GINS1: variants seen among roughly 807,000 people sequenced by gnomAD.
GINS1 encodes the protein DNA replication complex GINS protein PSF1.
Under a neutral mutation model 34.9 loss-of-function variants are expected in GINS1, and 26 were observed. The observed-to-expected ratio is 0.74, with a 90% confidence interval of 0.55 to 1.03. The LOEUF (loss-of-function observed/expected upper bound fraction) is 1.03, where lower values mean the gene tolerates loss of function less well. Among genes scored for constraint, GINS1 ranks in the 50% least tolerant of loss-of-function variants. The pLI, the probability that GINS1 is intolerant of heterozygous loss-of-function variation, is 0.00. For synonymous variants in GINS1, 97 were observed against 84.4 expected, an observed-to-expected ratio of 1.15 and a Z score of -0.82; for missense variants, 235 against 237.9, an observed-to-expected ratio of 0.99 and a Z score of 0.08.
Position 25,407,714 on chromosome 20 carries a change from T to A in GINS1, c.-107T>A. 2 of 872,414 alleles carry A rather than the reference T, an allele frequency of 2.3e-6. No homozygotes were observed. Among genetic ancestry groups the A allele is most frequent in the South Asian group, 1.5e-5 (1 of 68,838 alleles). The allele number at this position is 872,414 out of a possible 1,614,324, so 54.0% of individuals were successfully genotyped here. A position where few individuals can be genotyped will look rare whatever the true frequency, so the allele number is the denominator to read the frequency against. Reference sequence around the variant, plus strand: ...CGGAGCGGAGGCCGAGGCGAGAGCCTGGCGCTGTAGGACTAGAACGAAAGG... The same window carrying A: ...CGGAGCGGAGGCCGAGGCGAGAGCCAGGCGCTGTAGGACTAGAACGAAAGG... On this transcript the variant is annotated 5_prime_UTR_variant, in exon 1 of 7. Coordinates refer to ENST00000262460, the MANE Select transcript of GINS1 (RefSeq NM_021067.5).
intron 2 of GINS1, among the ~76,000 whole-genome samples, chr20:25,415,554 G>A (rs535683310): frequency 4.5e-4 from 69 of 152,104 alleles, no homozygotes; most frequent in African/African-American, 1.5e-3. Flanking sequence ...GCGTGGTGGC[G>A]CATGCCTGTA....
intron 5 of GINS1, among the ~76,000 whole-genome samples, chr20:25,428,969 CTTTTTTTTTTTTTTTTTTT>C (rs77113924): frequency 3.5e-4 from 45 of 127,510 alleles, no homozygotes; most frequent in African/African-American, 1.0e-3. Flanking sequence ...ATTCCTCTCT[CTTTTTTTTTTTTTTTTTTT>C]TTTTTTTTTT....
chr20:25,410,976 AT>A (rs2090281149), intron 1 of GINS1: 1 of 152,096 alleles, frequency 6.6e-6, no homozygotes. Context: ...TAAAAAGTAC[AT>A]TTTTAAGAAA....
chr20:25,420,841 C>T, intron 4 of GINS1: 2 of 969,452 alleles, frequency 2.1e-6, no homozygotes, highest in Non-Finnish European at 2.5e-6. Context: ...GTCTCGTTCT[C>T]TTAGTAGTGA....
chr20:25,417,104 G>A lies in GINS1; in HGVS notation c.141G>A (p.Val47=), dbSNP rs778726663. ...TTTTCTTTTTAAATGCTCCTATCAG[G>A]AATGAAGCAAAGTCAGGTGGACGAA... is the stretch of plus-strand genomic sequence containing the variant. The part of the protein sequence containing the change: ...KALYEQNQSD[V]NEAKSGGRSD... Residue 47 remains valine (V), a splice_region_variant and synonymous_variant, in exon 3 of 7, where the codon GTG becomes GTA. Transcript: ENST00000262460. 2.0e-6 allele frequency: 3 copies of A among 1,477,050 alleles called. No individual in the cohort carries two copies. Among genetic ancestry groups the A allele is most frequent in the East Asian group, 4.5e-5 (2 of 44,064 alleles). The allele number at this position is 1,477,050 out of a possible 1,614,324, so 91.5% of individuals were successfully genotyped here.
At chr20:25,434,431 G>A (rs1353803418) in intron 5 of GINS1, among the ~76,000 whole-genome samples, 2 of 137,832 alleles carry the variant, frequency 1.5e-5, no homozygotes, top group Non-Finnish European at 3.1e-5. Flanking sequence ...AATTTCTAAC[G>A]AACAGTAATT....
At chr20:25,433,857 A>C (rs1208886730) in intron 5 of GINS1, among the ~76,000 whole-genome samples, 7 of 152,234 alleles carry the variant, frequency 4.6e-5, no homozygotes, top group African/African-American at 1.7e-4. Flanking sequence ...TAAACTAATA[A>C]ATCTTTTAAA....
intron 5 of GINS1, among the ~76,000 whole-genome samples, chr20:25,435,883 G>C (rs1422076657): frequency 6.9e-6 from 1 of 145,052 alleles, no homozygotes; most frequent in African/African-American, 2.5e-5. Flanking sequence ...CGCAATCTCA[G>C]CTCACTGCAT....
chr20:25,423,718 A>G (rs536761219), intron 4 of GINS1, among the ~76,000 whole-genome samples: 3 of 146,638 alleles, frequency 2.0e-5, no homozygotes, highest in African/African-American at 7.6e-5. Flanking sequence ...GGTTCATGCC[A>G]TTCTTCTTCC....
At chr20:25,432,406 G>A (rs988772399) in intron 5 of GINS1, among the ~76,000 whole-genome samples, 1 of 151,612 alleles carries the variant, frequency 6.6e-6, no homozygotes, top group Admixed American at 6.6e-5. Flanking sequence ...GAGTTCAAAT[G>A]ATTCTCCTAC....
intron 5 of GINS1, among the ~76,000 whole-genome samples, chr20:25,427,212 C>G (rs1019492766): frequency 2.0e-5 from 3 of 152,124 alleles, no homozygotes; most frequent in Admixed American, 6.5e-5. Flanking sequence ...GTCACCCAGG[C>G]TGGATGCAGT....
chr20:25,446,910 T>TG lies in GINS1; in HGVS notation c.*920dup, dbSNP rs1483491972. On this transcript the variant is annotated 3_prime_UTR_variant, in exon 7 of 7. Transcript: ENST00000262460. ...GTTTGTTCTTTTATGCTTTGGGTGT[T>TG]GCATCCGAGAAATCTTTTCCCATCC... The TG allele has an allele frequency of 1.3e-5, 2 of 152,228 alleles. No individual in the cohort carries two copies. Among genetic ancestry groups the TG allele is most frequent in the African/African-American group, 4.8e-5 (2 of 41,468 alleles). 9.4% of individuals were successfully genotyped at this position (152,228 alleles called of 1,614,324 possible).
rs924839098 is a variant in GINS1, at chr20:25,425,115, A to T, written c.331-96A>T. On this transcript the variant is annotated intron_variant, in intron 4 of 6. Transcript: ENST00000262460. Reference sequence around the variant, plus strand: ...TAATGAATGAATGGTCACAACAGTGATTTGTGTTGGGATGTGTACTGTTTT... The same window carrying T: ...TAATGAATGAATGGTCACAACAGTGTTTTGTGTTGGGATGTGTACTGTTTT... 6.2e-6 allele frequency: 4 copies of T among 648,458 alleles called. No individual in the cohort carries two copies. The Admixed American group carries it at 7.2e-5, about 12-fold the overall frequency. 40.2% of individuals were successfully genotyped at this position (648,458 alleles called of 1,614,324 possible). A position where few individuals can be genotyped will look rare whatever the true frequency, so the allele number is the denominator to read the frequency against.
intron 5 of GINS1, among the ~76,000 whole-genome samples, chr20:25,438,421 T>G (rs2090465234): frequency 6.6e-6 from 1 of 151,978 alleles, no homozygotes; most frequent in Admixed American, 6.6e-5. Context: ...AAATGGACAA[T>G]TTTAGCATCA....
chr20:25,442,070 G>A (rs1377395585), intron 6 of GINS1, among the ~76,000 whole-genome samples: 2 of 152,102 alleles, frequency 1.3e-5, no homozygotes, highest in Non-Finnish European at 2.9e-5. Context: ...ATTATTATCT[G>A]GAGGCTATTG....
intron 1 of GINS1, among the ~76,000 whole-genome samples, chr20:25,413,033 G>T (rs2090296108): frequency 6.7e-6 from 1 of 150,126 alleles, no homozygotes; most frequent in Non-Finnish European, 1.5e-5. Flanking sequence ...TATCCTCATT[G>T]TTGTGTATGT....
chr20:25,414,589 A>G (rs2146191319), intron 2 of GINS1, among the ~76,000 whole-genome samples: 1 of 152,242 alleles, frequency 6.6e-6, no homozygotes, highest in East Asian at 1.9e-4. Context: ...AGTCTTAGCT[A>G]CTCAGCAGGG....
chr20:25,430,931 A>G (rs184453717), intron 5 of GINS1, among the ~76,000 whole-genome samples: 313 of 152,358 alleles, frequency 2.1e-3, no homozygotes, highest in Admixed American at 3.7e-3. Flanking sequence ...CTGGCCTCAT[A>G]AAATGAGTTA....
In GINS1 at chr20:25,446,242, C is replaced by T. The variant is rs1287340386; in HGVS notation, c.*251C>T. 7 of 332,110 alleles carry T rather than the reference C, an allele frequency of 2.1e-5. No individual in the cohort carries two copies. The highest frequency in any genetic ancestry group is 4.6e-5 in the Admixed American group (1 of 21,522). The allele number at this position is 332,110 out of a possible 1,614,324, so 20.6% of individuals were successfully genotyped here. ...TGTAGAGACTGTCTCACTATGTTGCCCAAGCTGGTCTCAAACTCCTGGCCT... is the reference window on the plus strand; with the variant it reads ...TGTAGAGACTGTCTCACTATGTTGCTCAAGCTGGTCTCAAACTCCTGGCCT... On this transcript the variant is annotated 3_prime_UTR_variant, in exon 7 of 7. Coordinates refer to ENST00000262460, the MANE Select transcript of GINS1 (RefSeq NM_021067.5).
Sources: gnomAD v4.1 joint callset for allele counts (sites outside exome capture counted in the v4.1 genomes callset) on GRCh38, gnomAD v4.1.1 for gene constraint, MANE v1.5 for transcripts, NCBI Gene and HGNC (gene_info 2026-07-23, HGNC 2026-07-21) for gene names.